The following GPR158 variants were observed in gnomAD, a reference collection of about 807,000 sequenced individuals.
GPR158 encodes the protein G protein-coupled receptor 158, also known as metabotropic glycine receptor.
Under a neutral mutation model 78.2 loss-of-function variants are expected in GPR158, and 30 were observed. That is an observed-to-expected ratio of 0.38 (90% CI 0.29 to 0.52). The LOEUF is 0.52. Ranked by LOEUF, GPR158 falls within the 20% of genes least tolerant of loss-of-function variation. GPR158 has a pLI of 0.83. For missense variants in GPR158, 1,463 were observed against 1,523.5 expected (o/e 0.96, Z 0.66); for synonymous variants, 581 against 591.1 (o/e 0.98, Z 0.25).
chr10:25,253,829 T>G (rs1853850659), intron 2 of GPR158, among the ~76,000 whole-genome samples: 1 of 152,182 alleles, frequency 6.6e-6, no homozygotes, highest in South Asian at 2.1e-4. Context: ...AAAATTTGCC[T>G]TGGGACAAAA....
chr10:25,361,072 A>G (rs936173889), intron 2 of GPR158, among the ~76,000 whole-genome samples: 1 of 151,808 alleles, frequency 6.6e-6, no homozygotes, highest in African/African-American at 2.4e-5. Flanking sequence ...TACCCATTCA[A>G]CAACAACTCT....
In GPR158 at chr10:25,597,829, A is replaced by G; in HGVS notation, c.2203A>G (p.Thr735Ala). 1.3e-6 allele frequency: 2 copies of G among 1,528,518 alleles called. No homozygotes were observed. Among genetic ancestry groups the G allele is most frequent in the Non-Finnish European group, 8.8e-7 (1 of 1,141,022 alleles). 94.7% of individuals were successfully genotyped at this position (1,528,518 alleles called of 1,614,324 possible). The change falls in exon 11 of 11, where the codon ACA becomes GCA. Residue 735 changes from threonine to alanine, a missense_variant. Thr to Ala is a moderately conservative substitution (Grantham distance 58). Transcript: ENST00000376351. Reference protein sequence around the residue: ...LEIYKRKKMITNNPHLQKKRC... With the variant: ...LEIYKRKKMIANNPHLQKKRC... ...AATATATAAAAGAAAGAAGATGATC[A>G]CAAACAACCCCCACCTCCAGAAAAA...
chr10:25,440,286 T>G (rs1028403977), intron 4 of GPR158, among the ~76,000 whole-genome samples: 6 of 152,178 alleles, frequency 3.9e-5, no homozygotes, highest in African/African-American at 1.4e-4. Flanking sequence ...GAGCTCTACT[T>G]AGCCTTGAGG....
chr10:25,463,346 A>G (rs1282176120), intron 4 of GPR158, among the ~76,000 whole-genome samples: 1 of 152,044 alleles, frequency 6.6e-6, no homozygotes, highest in Non-Finnish European at 1.5e-5. Context: ...TTGATACTTG[A>G]TTTATTGCTG....
chr10:25,397,501 C>T (rs987292136), intron 3 of GPR158, among the ~76,000 whole-genome samples: 1 of 152,164 alleles, frequency 6.6e-6, no homozygotes, highest in Non-Finnish European at 1.5e-5. Context: ...AGGCATAGTT[C>T]AAAGGGTTCA....
chr10:25,286,374 A>G (rs1054464109), intron 2 of GPR158, among the ~76,000 whole-genome samples: 1 of 152,172 alleles, frequency 6.6e-6, no homozygotes, highest in African/African-American at 2.4e-5. Context: ...TGATTAGACT[A>G]TCAAAGGCAT....
At chr10:25,243,942 C>G (rs1853657499) in intron 2 of GPR158, 1 of 152,074 alleles carries the variant, frequency 6.6e-6, no homozygotes, top group Admixed American at 6.6e-5. Context: ...TTCTAAGAGA[C>G]TCTAGCTAAG....
At chr10:25,419,198 G>A (rs1012869593) in intron 4 of GPR158, among the ~76,000 whole-genome samples, 2 of 151,776 alleles carry the variant, frequency 1.3e-5, no homozygotes, top group African/African-American at 4.8e-5. Context: ...ACTTTCTGTT[G>A]CTACAAATTT....
At chr10:25,522,006 CCT>C (rs1290765994) in intron 5 of GPR158, among the ~76,000 whole-genome samples, 1 of 152,144 alleles carries the variant, frequency 6.6e-6, no homozygotes, top group African/African-American at 2.4e-5. Flanking sequence ...TCATAAATAA[CCT>C]CTGAGATGTC....
intron 5 of GPR158, among the ~76,000 whole-genome samples, chr10:25,522,048 T>C (rs1373682480): frequency 1.3e-5 from 2 of 152,150 alleles, no homozygotes; most frequent in Non-Finnish European, 2.9e-5. Flanking sequence ...TAACCAGTAA[T>C]TAGGGTAAAA....
At chr10:25,300,940 GA>G (rs1166644261) in intron 2 of GPR158, among the ~76,000 whole-genome samples, 1 of 152,116 alleles carries the variant, frequency 6.6e-6, no homozygotes, top group African/African-American at 2.4e-5. Context: ...GGACACAGTG[GA>G]AACATCACTA....
At chr10:25,288,925 A>T (rs956117546) in intron 2 of GPR158, among the ~76,000 whole-genome samples, 1 of 152,218 alleles carries the variant, frequency 6.6e-6, no homozygotes, top group Non-Finnish European at 1.5e-5. Context: ...GTGGAAATTT[A>T]TATACCCCTT....
At chr10:25,596,383 C>T (rs866474738) in intron 9 of GPR158, among the ~76,000 whole-genome samples, 6 of 151,936 alleles carry the variant, frequency 3.9e-5, no homozygotes, top group South Asian at 2.1e-4. Context: ...GGCTTCAGCT[C>T]GGGAGTTTGA....
At chr10:25,344,481 A>G (rs1484543015) in intron 2 of GPR158, among the ~76,000 whole-genome samples, 1 of 151,936 alleles carries the variant, frequency 6.6e-6, no homozygotes, top group Non-Finnish European at 1.5e-5. Flanking sequence ...GATACACAAT[A>G]GATCTCTTGA....
rs533057790 is a variant in GPR158 at position 25,493,012 on chromosome 10, AAG to A, written c.1404+26296_1404+26297del. On this transcript the variant is annotated intron_variant, in intron 5 of 10. Coordinates refer to ENST00000376351, the MANE Select transcript of GPR158 (RefSeq NM_020752.3). The stretch of plus-strand genomic sequence containing the variant: ...GTTTGAATAAAAATTAGCATTTACA[AAG>A]AGTAAAACCAACAATGACTGCAAAA... Among the ~76,000 whole-genome samples the A allele has an allele frequency of 4.6e-5, 7 of 152,200 alleles. No individual in the cohort carries two copies. In the South Asian group the frequency reaches 1.4e-3, roughly 32 times the overall value.
At chr10:25,209,818 A>G (rs1036737103) in intron 1 of GPR158, among the ~76,000 whole-genome samples, 7 of 152,318 alleles carry the variant, frequency 4.6e-5, no homozygotes, top group Non-Finnish European at 7.4e-5. Context: ...AGCAGCCACC[A>G]AGTACTTTGG....
chr10:25,565,150 G>C (rs1213548956), intron 6 of GPR158, among the ~76,000 whole-genome samples: 1 of 152,058 alleles, frequency 6.6e-6, no homozygotes, highest in Non-Finnish European at 1.5e-5. Context: ...ACTTTTTCTT[G>C]TTGGTCATAA....
intron 5 of GPR158, among the ~76,000 whole-genome samples, chr10:25,474,484 A>G (rs1375519492): frequency 1.5e-4 from 23 of 152,096 alleles, no homozygotes; most frequent in Admixed American, 1.5e-3. Flanking sequence ...CTAGATAAGT[A>G]TCAGTTTTTT....
intron 4 of GPR158, among the ~76,000 whole-genome samples, chr10:25,425,072 T>C (rs927093388): frequency 6.6e-6 from 1 of 152,172 alleles, no homozygotes; most frequent in Non-Finnish European, 1.5e-5. Context: ...AGCAGTGGTT[T>C]GTAGTTCTCC....
Sources: gnomAD v4.1 joint callset for allele counts (sites outside exome capture counted in the v4.1 genomes callset) on GRCh38, gnomAD v4.1.1 for gene constraint, MANE v1.5 for transcripts, NCBI Gene and HGNC (gene_info 2026-07-23, HGNC 2026-07-21) for gene names.